RSPH14: variants seen among roughly 807,000 people sequenced by gnomAD.
RSPH14 encodes radial spoke head 14 homolog.
A neutral mutation model predicts 26.7 loss-of-function variants in RSPH14; 20 were observed. That is an observed-to-expected ratio of 0.75 (90% CI 0.53 to 1.09). The LOEUF is 1.09. Among genes scored for constraint, RSPH14 ranks in the 50% least tolerant of loss-of-function variants. The pLI is 0.00. For synonymous variants in RSPH14, 177 were observed against 189.3 expected (o/e 0.93, Z 0.53); for missense variants, 449 against 457.2 (o/e 0.98, Z 0.16).
chr22:23,173,352 T>C, the RSPH14 span, among the ~76,000 whole-genome samples: 1 of 152,138 alleles, frequency 6.6e-6, no homozygotes, highest in Non-Finnish European at 1.5e-5. Context: ...GCCAGGATGA[T>C]CTCGATCTCC....
rs373152074 is a variant in RSPH14, at chr22:23,080,848, A to C, written c.422-16715T>G. ...CGCAAAAACCCTTTTTACCTCTGTC[A>C]TCAGCACTCACTGGATTAATGGGTG... is the stretch of plus-strand genomic sequence containing the variant. On this transcript the variant is annotated intron_variant, in intron 4 of 6. Transcript: ENST00000216036. Among the ~76,000 whole-genome samples, 8 of 152,378 alleles carry C rather than the reference A, an allele frequency of 5.3e-5. No individual in the cohort carries two copies. In the East Asian group the frequency reaches 5.8e-4, roughly 11 times the overall value.
intron 1 of RSPH14, among the ~76,000 whole-genome samples, chr22:23,141,378 A>G (rs1184998238): frequency 6.6e-6 from 1 of 151,300 alleles, no homozygotes; most frequent in African/African-American, 2.4e-5. Context: ...CGACACACAC[A>G]CACACTTTCA....
chr22:23,129,028 C>A (rs1024866223), intron 4 of RSPH14, among the ~76,000 whole-genome samples: 2 of 152,156 alleles, frequency 1.3e-5, no homozygotes, highest in African/African-American at 4.8e-5. Flanking sequence ...ACAGGTGACA[C>A]CCACGTTCCC....
Position 23,140,403 on chromosome 22 carries a change from G to A in RSPH14, c.18C>T (p.Asn6=), listed in dbSNP as rs772775277. 9.9e-6 allele frequency: 16 copies of A among 1,614,200 alleles called. No individual in the cohort carries two copies. The highest frequency in any genetic ancestry group is 1.3e-5 in the Non-Finnish European group (15 of 1,180,032). MAHSQ[N]SLELPININA... ...TGATGTTAATGGGAAGCTCCAAGGA[G>A]TTCTGGGAATGGGCCATCTTTCCCC... is the stretch of plus-strand genomic sequence containing the variant. The change falls in exon 2 of 7, where the codon AAC becomes AAT. Residue 6 remains asparagine (N), a synonymous_variant. Transcript: ENST00000216036.
chr22:23,106,911 G>A (rs1239815771), intron 4 of RSPH14, among the ~76,000 whole-genome samples: 1 of 152,190 alleles, frequency 6.6e-6, no homozygotes, highest in African/African-American at 2.4e-5. Context: ...CCATTACTAC[G>A]GGTCACCCCA....
At chr22:23,145,358 T>C (rs779389367), upstream of RSPH14, 35 of 1,603,310 alleles carry the variant, frequency 2.2e-5, no homozygotes, top group Non-Finnish European at 2.6e-5. Flanking sequence ...AGGCAGGTTC[T>C]CGTTGCTATG....
chr22:23,122,728 G>A (rs2070066207), intron 4 of RSPH14: 1 of 288,672 alleles, frequency 3.5e-6, no homozygotes. Context: ...TGGATGGGCA[G>A]TGGGAAGATG....
chr22:23,117,051 T>C (rs1050197209), intron 4 of RSPH14, among the ~76,000 whole-genome samples: 2 of 152,114 alleles, frequency 1.3e-5, no homozygotes, highest in Non-Finnish European at 2.9e-5. Context: ...GTACAGGAGC[T>C]AGACTCCAGT....
At chr22:23,075,620 A>C (rs2068488677) in intron 4 of RSPH14, among the ~76,000 whole-genome samples, 1 of 152,212 alleles carries the variant, frequency 6.6e-6, no homozygotes, top group Non-Finnish European at 1.5e-5. Flanking sequence ...AAAAGTGCTA[A>C]GAAGCGAGAC....
At chr22:23,168,796 C>T in the RSPH14 span, among the ~76,000 whole-genome samples, 79 of 152,318 alleles carry the variant, frequency 5.2e-4, no homozygotes, top group African/African-American at 1.8e-3. Flanking sequence ...CATGGGACTC[C>T]TGTCCCTGGG....
intron 4 of RSPH14, among the ~76,000 whole-genome samples, chr22:23,130,147 G>T (rs1156461939): frequency 8.3e-6 from 1 of 120,684 alleles, no homozygotes; most frequent in Admixed American, 8.4e-5. Flanking sequence ...AAGAAAGAAA[G>T]AAAGAAAGAA....
the RSPH14 span, chr22:23,157,917 T>C: frequency 3.1e-6 from 5 of 1,602,812 alleles, no homozygotes; most frequent in Non-Finnish European, 4.3e-6. Flanking sequence ...CCTTGGGAGC[T>C]GGGCACCTCC....
intron 4 of RSPH14, among the ~76,000 whole-genome samples, chr22:23,098,348 C>T (rs1471680339): frequency 6.6e-6 from 1 of 152,264 alleles, no homozygotes; most frequent in Non-Finnish European, 1.5e-5. Flanking sequence ...CCTGCTTACT[C>T]CTCCATCTAG....
chr22:23,077,323 C>T (rs554993438), intron 4 of RSPH14, among the ~76,000 whole-genome samples: 124 of 152,322 alleles, frequency 8.1e-4, no homozygotes, highest in African/African-American at 2.9e-3. Context: ...TCTCTTCTCT[C>T]ATTTGATGCC....
At chr22:23,159,633 C>T in the RSPH14 span, among the ~76,000 whole-genome samples, 1 of 152,302 alleles carries the variant, frequency 6.6e-6, no homozygotes, top group African/African-American at 2.4e-5. Flanking sequence ...CACAGGGTGG[C>T]AGGGCCAGGA....
At chr22:23,104,317 C>T (rs915947585) in intron 4 of RSPH14, among the ~76,000 whole-genome samples, 5 of 152,154 alleles carry the variant, frequency 3.3e-5, no homozygotes, top group South Asian at 2.1e-4. Flanking sequence ...CCTGTGATGA[C>T]GGAGCCAGGG....
At chr22:23,080,040 G>A (rs1045353500) in intron 4 of RSPH14, among the ~76,000 whole-genome samples, 4 of 152,156 alleles carry the variant, frequency 2.6e-5, no homozygotes, top group Non-Finnish European at 5.9e-5. Flanking sequence ...TGGGGAAACT[G>A]GGGAGCCAGG....
At chr22:23,068,665 A>G (rs1226090515) in intron 4 of RSPH14, among the ~76,000 whole-genome samples, 1 of 152,156 alleles carries the variant, frequency 6.6e-6, no homozygotes, top group Non-Finnish European at 1.5e-5. Flanking sequence ...CAAACAATTC[A>G]ACTCTGACCC....
At chr22:23,117,087 G>T (rs190193383) in intron 4 of RSPH14, among the ~76,000 whole-genome samples, 281 of 152,286 alleles carry the variant, frequency 1.8e-3, no homozygotes, top group Non-Finnish European at 3.1e-3. Flanking sequence ...CATCCAGCTG[G>T]GATGCAGGAA....
Sources: allele counts gnomAD v4.1 joint callset (sites outside exome capture counted in the v4.1 genomes callset), GRCh38; gene constraint gnomAD v4.1.1; transcripts MANE v1.5; gene names NCBI Gene and HGNC (gene_info 2026-07-23, HGNC 2026-07-21).